The following TRPC5 variants were observed in gnomAD, a reference collection of about 807,000 sequenced individuals.
The protein encoded by TRPC5 is transient receptor potential cation channel subfamily C member 5.
A neutral mutation model predicts 56.5 loss-of-function variants in TRPC5; 9 were observed. That is an observed-to-expected ratio of 0.16 (90% confidence interval 0.10 to 0.28). The LOEUF is 0.28. TRPC5 is among the 10% of genes least tolerant of loss of function. The pLI is 1.00. For missense variants in TRPC5, 469 were observed against 748.9 expected (o/e 0.63, Z 4.36); for synonymous variants, 282 against 278.5 (o/e 1.01, Z -0.13).
chrX:111,867,764 G>C (rs1221552893), intron 3 of TRPC5, among the ~76,000 whole-genome samples: 2 of 111,382 alleles, frequency 1.8e-5, no homozygotes, highest in Non-Finnish European at 3.8e-5. Flanking sequence ...TTTCTCTTCG[G>C]CCGCTAAAAC....
chrX:111,848,790 G>A (rs927898659), intron 5 of TRPC5, among the ~76,000 whole-genome samples: 3 of 111,822 alleles, frequency 2.7e-5, no homozygotes, highest in Non-Finnish European at 5.6e-5. Context: ...CGTACTCTTG[G>A]CCAAATCTTA....
At chrX:111,965,339 C>G (rs1276320361) in intron 1 of TRPC5, among the ~76,000 whole-genome samples, 1 of 111,623 alleles carries the variant, frequency 9.0e-6, no homozygotes, top group African/African-American at 3.3e-5. Flanking sequence ...CCTTAGTGAC[C>G]AACAAAGAGA....
chrX:111,986,665 T>C (rs1928220271), intron 1 of TRPC5, among the ~76,000 whole-genome samples: 1 of 111,127 alleles, frequency 9.0e-6, no homozygotes, highest in African/African-American at 3.3e-5. Flanking sequence ...GGCAAAGAAG[T>C]GTCATAATTT....
chrX:111,798,517 G>A (rs750290963), intron 7 of TRPC5, among the ~76,000 whole-genome samples: 3 of 111,985 alleles, frequency 2.7e-5, no homozygotes, highest in East Asian at 5.6e-4. Flanking sequence ...AATGCTGGAA[G>A]TACTCCCAAG....
intron 7 of TRPC5, among the ~76,000 whole-genome samples, chrX:111,794,779 G>A (rs1384658635): frequency 1.8e-5 from 2 of 111,151 alleles, no homozygotes; most frequent in Non-Finnish European, 3.8e-5. Flanking sequence ...TCTTTTATAA[G>A]AGCACAATTC....
At chrX:111,926,169 C>T (rs1254326095) in intron 2 of TRPC5, among the ~76,000 whole-genome samples, 1 of 111,270 alleles carries the variant, frequency 9.0e-6, no homozygotes, top group Non-Finnish European at 1.9e-5. Context: ...CCAGTCTTAG[C>T]TCCTTCTTAT....
chrX:111,915,447 A>G (rs1925947560), intron 2 of TRPC5, among the ~76,000 whole-genome samples: 1 of 111,066 alleles, frequency 9.0e-6, no homozygotes, highest in Non-Finnish European at 1.9e-5. Context: ...TTCTGTGTGT[A>G]TATCCTTGTG....
intron 3 of TRPC5, among the ~76,000 whole-genome samples, chrX:111,881,137 TTTTCTTTTG>T (rs1286526485): frequency 7.1e-4 from 75 of 105,888 alleles, no homozygotes; most frequent in African/African-American, 2.6e-3. Flanking sequence ...TGTTTTGTGA[TTTTCTTTTG>T]TTTATTTTAT....
At chrX:112,063,132 T>C (rs1169850495) in intron 1 of TRPC5, among the ~76,000 whole-genome samples, 2 of 111,761 alleles carry the variant, frequency 1.8e-5, no homozygotes, top group East Asian at 2.8e-4. Context: ...AATGATGTCT[T>C]AGGCTGGTTT....
intron 1 of TRPC5, among the ~76,000 whole-genome samples, chrX:112,051,000 G>T (rs1434323702): frequency 8.9e-6 from 1 of 112,478 alleles, no homozygotes; most frequent in African/African-American, 3.2e-5. Context: ...GTGTATACCC[G>T]ATATCTACTC....
At chrX:111,888,629 G>A (rs1409579050) in intron 3 of TRPC5, among the ~76,000 whole-genome samples, 3 of 100,767 alleles carry the variant, frequency 3.0e-5, no homozygotes, top group African/African-American at 7.5e-5. Context: ...GGGAGGTGGA[G>A]GTTGTGGTGA....
intron 1 of TRPC5, among the ~76,000 whole-genome samples, chrX:111,973,800 TACTTC>T (rs1569528950): frequency 8.9e-6 from 1 of 112,499 alleles, no homozygotes; most frequent in Non-Finnish European, 1.9e-5. Flanking sequence ...CTATTTATTT[TACTTC>T]ATTTACAGGA....
chrX:111,820,062 C>T (rs1745325632), intron 7 of TRPC5, among the ~76,000 whole-genome samples: 1 of 111,830 alleles, frequency 8.9e-6, no homozygotes, highest in Non-Finnish European at 1.9e-5. Context: ...TTATAAAATC[C>T]ATCATCTAGG....
chrX:112,062,656 A>C (rs2147740524), intron 1 of TRPC5, among the ~76,000 whole-genome samples: 1 of 112,212 alleles, frequency 8.9e-6, no homozygotes, highest in East Asian at 2.8e-4. Flanking sequence ...GTGTTGGGAG[A>C]CACTGCAAAT....
At chrX:112,000,065 G>A (rs1928657920) in intron 1 of TRPC5, among the ~76,000 whole-genome samples, 2 of 112,098 alleles carry the variant, frequency 1.8e-5, no homozygotes, top group Non-Finnish European at 3.8e-5. Context: ...CACTTTGCAC[G>A]GTATAGTTGT....
chrX:111,883,095 A>AG (rs1401616874), intron 3 of TRPC5, among the ~76,000 whole-genome samples: 1 of 110,650 alleles, frequency 9.0e-6, no homozygotes, highest in Non-Finnish European at 1.9e-5. Flanking sequence ...CAAAAAAAAA[A>AG]AAAAAAAAAG....
At chrX:111,802,678 G>A (rs1262938331) in intron 7 of TRPC5, among the ~76,000 whole-genome samples, 1 of 110,612 alleles carries the variant, frequency 9.0e-6, no homozygotes, top group Admixed American at 9.7e-5. Context: ...TTCTTTTAAC[G>A]ACCTCCTCTA....
At chrX:111,957,583 T>C (rs759849597) in intron 1 of TRPC5, among the ~76,000 whole-genome samples, 4 of 111,745 alleles carry the variant, frequency 3.6e-5, no homozygotes, top group African/African-American at 1.3e-4. Flanking sequence ...GGAATGGGAT[T>C]GGAGTCAAGC....
intron 3 of TRPC5, chrX:111,876,283 T>G (rs1189560879): frequency 9.0e-6 from 1 of 111,164 alleles, no homozygotes; most frequent in Non-Finnish European, 1.9e-5. Context: ...GGTGAGTTGC[T>G]TCATAAACAA....
Sources: gnomAD v4.1 joint callset for allele counts (sites outside exome capture counted in the v4.1 genomes callset) on GRCh38, gnomAD v4.1.1 for gene constraint, MANE v1.5 for transcripts, NCBI Gene and HGNC (gene_info 2026-07-23, HGNC 2026-07-21) for gene names.